The following ZNF454 variants were observed in gnomAD, a reference collection of about 807,000 sequenced individuals.
The protein encoded by ZNF454 is zinc finger protein 454.
Under a neutral mutation model 48.2 loss-of-function variants are expected in ZNF454, and 30 were observed. The ratio of observed to expected loss-of-function variants is 0.62; its 90% confidence interval spans 0.47 to 0.84. The LOEUF is 0.84. Ranked by LOEUF, ZNF454 falls within the 40% of genes least tolerant of loss-of-function variation. The pLI, the probability that ZNF454 is intolerant of heterozygous loss-of-function variation, is 0.00. For synonymous variants in ZNF454, 204 were observed against 211.4 expected (o/e 0.97, Z 0.30); for missense variants, 510 against 623.1 (o/e 0.82, Z 1.93).
intron 4 of ZNF454, among the ~76,000 whole-genome samples, chr5:178,955,935 C>G (rs532598868): frequency 6.6e-6 from 1 of 152,286 alleles, no homozygotes; most frequent in South Asian, 2.1e-4. Flanking sequence ...CCCCTGGGCT[C>G]TGTTTTGCTC....
intron 2 of ZNF454, among the ~76,000 whole-genome samples, chr5:178,945,916 C>T (rs1759311286): frequency 6.6e-6 from 1 of 151,952 alleles, no homozygotes; most frequent in Non-Finnish European, 1.5e-5. Context: ...TAAAATGGGA[C>T]AGTGTCTTGA....
chr5:178,984,399 G>A, the ZNF454 span, among the ~76,000 whole-genome samples: 1 of 152,234 alleles, frequency 6.6e-6, no homozygotes. Flanking sequence ...CTGGTGCTAA[G>A]TGCAGGCGAA....
rs541118261 is a variant in ZNF454 at position 178,946,058 on chromosome 5, G to T, written c.34-301G>T. Among the ~76,000 whole-genome samples the T allele has an allele frequency of 3.1e-4, 47 of 152,206 alleles. No individual in the cohort carries two copies. Among genetic ancestry groups the T allele is most frequent in the African/African-American group, 9.4e-4 (39 of 41,514 alleles). On this transcript the variant is annotated intron_variant, in intron 2 of 4. Transcript: ENST00000519564. The surrounding 1 kb of genome is among the most constrained non-coding windows in gnomAD (Gnocchi z 4.5). ...GGGGTGAGCGGAGAGGCAGGGCTAG[G>T]CGGTTTGAGGGAGATGGAGAAAATG...
At chr5:178,983,545 C>A in the ZNF454 span, 1 of 532,948 alleles carries the variant, frequency 1.9e-6, no homozygotes, top group Non-Finnish European at 3.6e-6. Flanking sequence ...CTAGCCATTA[C>A]CAATGCCATT....
At chr5:178,951,645 A>G (rs778123082) in intron 4 of ZNF454, among the ~76,000 whole-genome samples, 43 of 152,318 alleles carry the variant, frequency 2.8e-4, no homozygotes, top group Non-Finnish European at 3.8e-4. Context: ...TCCTTCAGTG[A>G]TATACCTTAC....
At chr5:178,971,517 G>A in the ZNF454 span, among the ~76,000 whole-genome samples, 3 of 152,008 alleles carry the variant, frequency 2.0e-5, no homozygotes, top group Non-Finnish European at 2.9e-5. Context: ...ACTACATATC[G>A]AAGACGTGCC....
intron 4 of ZNF454, among the ~76,000 whole-genome samples, chr5:178,949,556 A>G (rs1431862278): frequency 6.6e-6 from 1 of 152,032 alleles, no homozygotes. Flanking sequence ...CATTCTCAAC[A>G]TATTTGTTGG....
the ZNF454 span, among the ~76,000 whole-genome samples, chr5:178,973,478 C>T: frequency 6.6e-6 from 1 of 152,144 alleles, no homozygotes; most frequent in Non-Finnish European, 1.5e-5. Context: ...ATTGCTAATT[C>T]ACCTCAGTAA....
intron 4 of ZNF454, among the ~76,000 whole-genome samples, chr5:178,956,206 T>C (rs1759741481): frequency 6.6e-6 from 1 of 152,256 alleles, no homozygotes. Flanking sequence ...TAAGCTCTTA[T>C]TCCTGTTTTA....
the ZNF454 span, chr5:178,980,643 TG>T: frequency 6.5e-6 from 1 of 152,962 alleles, no homozygotes; most frequent in Non-Finnish European, 1.5e-5. The surrounding 1 kb of genome is among the most constrained non-coding windows in gnomAD (Gnocchi z 4.3). Context: ...TTTTTTGTTT[TG>T]TTTTTTTGAG....
chr5:178,973,972 G>T, the ZNF454 span, among the ~76,000 whole-genome samples: 5 of 152,148 alleles, frequency 3.3e-5, no homozygotes, highest in African/African-American at 1.2e-4. Flanking sequence ...TGTCACCAGG[G>T]TCATAGTTTA....
downstream of ZNF454, chr5:178,969,516 T>C (rs1353224754): frequency 2.2e-6 from 1 of 456,984 alleles, no homozygotes. Flanking sequence ...GGACCACGAT[T>C]TGGGACTCTT....
intron 4 of ZNF454, among the ~76,000 whole-genome samples, chr5:178,953,346 A>G (rs1197174096): frequency 6.6e-6 from 1 of 152,184 alleles, no homozygotes. Context: ...TAAGCAATGT[A>G]TTCCTAGAAT....
chr5:178,947,419 T>C (rs1232904124), intron 4 of ZNF454, among the ~76,000 whole-genome samples: 1 of 152,218 alleles, frequency 6.6e-6, no homozygotes. Context: ...TAGCTACACA[T>C]TGCACTTGTC....
At chr5:178,948,195 G>A (rs1278585476) in intron 4 of ZNF454, 1 of 151,878 alleles carries the variant, frequency 6.6e-6, no homozygotes, top group Non-Finnish European at 1.5e-5. Flanking sequence ...GATTACAGGC[G>A]TGAGCCACCT....
the ZNF454 span, chr5:178,978,903 G>C: frequency 6.6e-6 from 1 of 152,082 alleles, no homozygotes; most frequent in African/African-American, 2.4e-5. Context: ...ACCCATGCAT[G>C]CAAAAAAACA....
intron 4 of ZNF454, 91 bp from the exon 5 acceptor site, chr5:178,964,564 T>C (rs2113278115): frequency 1.0e-6 from 1 of 987,956 alleles, no homozygotes; most frequent in East Asian, 2.4e-5. Flanking sequence ...TTGAAATCTT[T>C]CTGTTAGCAT....
chr5:178,978,836 G>A, the ZNF454 span: 1 of 152,084 alleles, frequency 6.6e-6, no homozygotes, highest in Non-Finnish European at 1.5e-5. Flanking sequence ...ACACATAGAA[G>A]AAAACCCACA....
intron 4 of ZNF454, among the ~76,000 whole-genome samples, chr5:178,962,889 G>T (rs975919562): frequency 6.6e-6 from 1 of 151,688 alleles, no homozygotes. Flanking sequence ...GCTGGAGGTT[G>T]GTCACAATAT....
Sources: gnomAD v4.1 joint callset for allele counts (sites outside exome capture counted in the v4.1 genomes callset) on GRCh38, gnomAD v4.1.1 for gene constraint, Gnocchi (gnomAD v3.1) non-coding constraint, MANE v1.5 for transcripts, NCBI Gene and HGNC (gene_info 2026-07-23, HGNC 2026-07-21) for gene names.